KYAT3: variants seen among roughly 807,000 people sequenced by gnomAD.
The protein encoded by KYAT3 is kynurenine aminotransferase 3.
In KYAT3, 50 loss-of-function variants were observed where a neutral mutation model predicts 59.0. The ratio of observed to expected loss-of-function variants is 0.85; its 90% CI spans 0.68 to 1.07. The LOEUF (loss-of-function observed/expected upper bound fraction) is 1.07. KYAT3 is among the 50% of genes least tolerant of loss of function. The pLI is 0.00. For synonymous variants in KYAT3, 148 were observed against 177.0 expected, an observed-to-expected ratio of 0.84 and a Z score of 1.30; for missense variants, 497 against 533.3, an observed-to-expected ratio of 0.93 and a Z score of 0.67.
chr1:88,979,075 G>A (rs1676944228), intron 2 of KYAT3, among the ~76,000 whole-genome samples: 1 of 152,160 alleles, frequency 6.6e-6, no homozygotes, highest in African/African-American at 2.4e-5. Flanking sequence ...TTAGTTATGT[G>A]AGAGAAACTC....
chr1:88,975,058 C>A (rs1019955289), intron 2 of KYAT3, among the ~76,000 whole-genome samples: 4 of 152,040 alleles, frequency 2.6e-5, no homozygotes, highest in African/African-American at 9.7e-5. Context: ...TCTTTGGGTC[C>A]GCACCACCTT....
chr1:88,962,082 G>T lies in KYAT3; in HGVS notation c.517C>A (p.Pro173Thr). ...EPMVRMAGAT[P>T]VFIPLRSKPV... The stretch of plus-strand genomic sequence containing the variant: ...ACAGATCTCAGGGGAATAAAAACAG[G>T]TGTTGCTCCAGCCATTCTCACCATG... The change falls in exon 6 of 14, where the codon CCT becomes ACT. Residue 173 changes from proline (P) to threonine (T), a missense_variant. Physicochemically the swap from Pro to Thr is conservative, Grantham distance 38. Coordinates refer to ENST00000260508, the MANE Select transcript of KYAT3 (RefSeq NM_001008661.3). 6.2e-7 allele frequency: 1 copy of T among 1,613,810 alleles called. No individual in the cohort carries two copies. The highest frequency in any genetic ancestry group is 8.5e-7 in the Non-Finnish European group (1 of 1,179,776).
At chr1:88,935,373 AG>A (rs768774599), downstream of KYAT3, among the ~76,000 whole-genome samples, 178 of 113,478 alleles carry the variant, frequency 1.6e-3, 1 homozygote, top group African/African-American at 2.1e-3. Flanking sequence ...AGAGAGAGAG[AG>A]AGAAAAAAAA....
In KYAT3 at chr1:88,961,403, G is replaced by A. The variant is rs147147156; in HGVS notation, c.644C>T (p.Thr215Ile). 1.0e-4 allele frequency: 163 copies of A among 1,613,836 alleles called. No homozygotes were observed. Among genetic ancestry groups the A allele is most frequent in the Non-Finnish European group, 9.8e-5 (116 of 1,179,888 alleles). ...TACCTTGCCAAGTGGGTTATGTGGA[G>A]TATTTAGTATAATAGCTTTGGTTTT... Reference protein sequence around the residue: ...NSKTKAIILNTPHNPLGKVYN... With the variant: ...NSKTKAIILNIPHNPLGKVYN... The change falls in exon 7 of 14, where the codon ACT becomes ATT. Residue 215 changes from threonine (T) to isoleucine (I), a missense_variant. By Grantham distance (89) the Thr-to-Ile change is moderately conservative. This residue lies in a region of KYAT3 where 469 missense variants were observed against 479.1 expected (regional missense o/e 0.98). Transcript: ENST00000260508.
chr1:88,950,093 G>A (rs890961354), intron 10 of KYAT3, among the ~76,000 whole-genome samples: 5 of 152,168 alleles, frequency 3.3e-5, no homozygotes, highest in Admixed American at 2.0e-4. Flanking sequence ...GGCACCATCC[G>A]TGAAGAAGCA....
chr1:88,960,697 G>A (rs1557691239), intron 8 of KYAT3, among the ~76,000 whole-genome samples: 1 of 152,116 alleles, frequency 6.6e-6, no homozygotes, highest in Non-Finnish European at 1.5e-5. Context: ...GACTACCCCA[G>A]CAGACAGTAC....
chr1:88,923,197 A>G, the KYAT3 span, among the ~76,000 whole-genome samples: 1 of 152,250 alleles, frequency 6.6e-6, no homozygotes, highest in Non-Finnish European at 1.5e-5. Context: ...GTTAATTAAT[A>G]TATGTCAAGT....
chr1:88,989,218 T>C (rs768971741), intron 1 of KYAT3, among the ~76,000 whole-genome samples: 3 of 152,178 alleles, frequency 2.0e-5, no homozygotes, highest in Non-Finnish European at 4.4e-5. Context: ...ACCTAATCTA[T>C]GGAAACTAAA....
Position 88,964,809 on chromosome 1 carries a change from G to T in KYAT3, c.453+20C>A. On this transcript the variant is annotated intron_variant, in intron 5 of 13. Transcript: ENST00000260508. ...GATAATTGATTAATATGGGTATTAC[G>T]ATAATGTTAATATACTTACTTCATC... The T allele has an allele frequency of 6.5e-7, 1 of 1,549,266 alleles. No individual in the cohort carries two copies. The highest frequency in any genetic ancestry group is 1.2e-5 in the South Asian group (1 of 84,854).
At chr1:88,961,650 A>G in intron 6 of KYAT3, 144 bp from the exon 7 acceptor site, 1 of 689,468 alleles carries the variant, frequency 1.5e-6, no homozygotes, top group Non-Finnish European at 2.4e-6. Context: ...GCTTTCCTGC[A>G]GTAGGAACAG....
chr1:88,934,869 G>A (rs1674981010), downstream of KYAT3, among the ~76,000 whole-genome samples: 1 of 152,146 alleles, frequency 6.6e-6, no homozygotes, highest in Admixed American at 6.5e-5. Context: ...CACCAGGTCT[G>A]GGGTGATGAC....
chr1:88,928,800 C>T, the KYAT3 span, among the ~76,000 whole-genome samples: 2 of 152,238 alleles, frequency 1.3e-5, no homozygotes, highest in African/African-American at 2.4e-5. Context: ...GACAACTGTC[C>T]TCCAGATCTG....
intron 2 of KYAT3, among the ~76,000 whole-genome samples, chr1:88,975,643 A>G (rs1676755630): frequency 6.6e-6 from 1 of 152,240 alleles, no homozygotes. Context: ...ATTTACTTTT[A>G]TTGAAGCTTT....
chr1:88,978,611 C>T (rs1187485448), intron 2 of KYAT3, among the ~76,000 whole-genome samples: 1 of 152,162 alleles, frequency 6.6e-6, no homozygotes, highest in Non-Finnish European at 1.5e-5. Flanking sequence ...CATCCTCCCA[C>T]CCCAGCCTCC....
chr1:88,978,865 T>C (rs1301404204), intron 2 of KYAT3, among the ~76,000 whole-genome samples: 1 of 151,228 alleles, frequency 6.6e-6, no homozygotes, highest in African/African-American at 2.4e-5. Flanking sequence ...GCTTTGCCCA[T>C]GCTGGACTCG....
intron 10 of KYAT3, among the ~76,000 whole-genome samples, chr1:88,951,666 A>G (rs1414790938): frequency 6.6e-6 from 1 of 151,404 alleles, no homozygotes; most frequent in Non-Finnish European, 1.5e-5. Flanking sequence ...ATAATATTTA[A>G]ATAGTTTTTC....
At position 88,988,738 on chromosome 1, in the gene KYAT3, TAACAG is replaced by T. The variant is rs1467734101; in HGVS notation, c.-1-392_-1-388del. ...TACTCAAATTTCAGAATCCTCTGGA[TAACAG>T]TCACTAGTAAAAGCATAGTTTGTAA... On this transcript the variant is annotated intron_variant, in intron 1 of 13. Coordinates refer to ENST00000260508, the MANE Select transcript of KYAT3 (RefSeq NM_001008661.3). 2.8e-3 allele frequency among the ~76,000 whole-genome samples: 429 copies of T among 152,346 alleles called. 3 individuals carry two copies. The highest frequency in any genetic ancestry group is 9.7e-3 in the African/African-American group (403 of 41,584).
chr1:88,939,351 G>C (rs1675154790), intron 13 of KYAT3, among the ~76,000 whole-genome samples: 1 of 151,964 alleles, frequency 6.6e-6, no homozygotes, highest in African/African-American at 2.4e-5. Flanking sequence ...CTTTCTAAGA[G>C]GTGGAGTTAG....
the KYAT3 span, among the ~76,000 whole-genome samples, chr1:88,928,467 G>A: frequency 6.6e-6 from 1 of 152,104 alleles, no homozygotes; most frequent in Admixed American, 6.5e-5. Context: ...TGGGCAAATC[G>A]AATGCTAATA....
Sources: gnomAD v4.1 joint callset for allele counts (sites outside exome capture counted in the v4.1 genomes callset) on GRCh38, gnomAD v4.1.1 for gene constraint, gnomAD v4.1.1 regional missense constraint, MANE v1.5 for transcripts, NCBI Gene and HGNC (gene_info 2026-07-23, HGNC 2026-07-21) for gene names.